Variants in REV3L observed in about 807,000 individuals in gnomAD.
The protein encoded by REV3L is REV3 like, DNA directed polymerase zeta catalytic subunit, also known as DNA polymerase zeta catalytic subunit.
REV3L carries 69 observed loss-of-function variants against 299.4 expected under a neutral mutation model. The observed-to-expected ratio is 0.23, with a 90% CI of 0.19 to 0.28. REV3L has a LOEUF of 0.28. REV3L is among the 10% of genes least tolerant of loss of function. The pLI is 1.00. For synonymous variants in REV3L, 1,238 were observed against 1,271.4 expected, an observed-to-expected ratio of 0.97 and a Z score of 0.56; for missense variants, 3,128 against 3,693.8, an observed-to-expected ratio of 0.85 and a Z score of 3.97.
chr6:111,324,363 G>A (rs760572644), intron 25 of REV3L, among the ~76,000 whole-genome samples: 8 of 152,160 alleles, frequency 5.3e-5, no homozygotes, highest in Non-Finnish European at 1.0e-4. Context: ...TCTTGAGAAT[G>A]TAAACTGTAA....
intron 1 of REV3L, among the ~76,000 whole-genome samples, chr6:111,447,867 C>A (rs946455228): frequency 1.3e-5 from 2 of 152,158 alleles, no homozygotes; most frequent in African/African-American, 4.8e-5. Context: ...AAAAACTTAA[C>A]CAAATGTCTC....
At chr6:111,471,988 A>G in intron 1 of REV3L, 1 of 1,134,890 alleles carries the variant, frequency 8.8e-7, no homozygotes, top group South Asian at 1.6e-5. Context: ...CACCCCCAAT[A>G]TATTAACCAA....
rs184034348 is a variant in REV3L, at chr6:111,439,885, C to T, written c.140-23413G>A. 1.1e-3 allele frequency among the ~76,000 whole-genome samples: 169 copies of T among 152,280 alleles called. 1 individual carries two copies. The highest frequency in any genetic ancestry group is 3.7e-3 in the African/African-American group (154 of 41,556). On this transcript the variant is annotated intron_variant, in intron 1 of 31. Transcript: ENST00000368802. The stretch of plus-strand genomic sequence containing the variant: ...AAGACAATGCCTGACCGCCAACCAG[C>T]GCTTCAAAAGTTGAAGAAATTGGGC...
chr6:111,327,162 T>C (rs893791263), intron 25 of REV3L, among the ~76,000 whole-genome samples: 6 of 152,208 alleles, frequency 3.9e-5, no homozygotes, highest in Non-Finnish European at 8.8e-5. Context: ...TTACAGTATT[T>C]ACATATTTTA....
intron 31 of REV3L, among the ~76,000 whole-genome samples, chr6:111,306,160 A>G (rs1451791741): frequency 6.6e-6 from 1 of 152,182 alleles, no homozygotes; most frequent in Admixed American, 6.5e-5. Context: ...ATCACAGTAA[A>G]GCAGAGGAGA....
At chr6:111,472,106 AG>A in intron 1 of REV3L, 1 of 1,275,572 alleles carries the variant, frequency 7.8e-7, no homozygotes, top group Non-Finnish European at 1.0e-6. Context: ...TTTAATTTTT[AG>A]GTTGCTTTTA....
intron 4 of REV3L, among the ~76,000 whole-genome samples, chr6:111,397,820 A>C (rs529636151): frequency 6.6e-6 from 1 of 151,840 alleles, no homozygotes; most frequent in African/African-American, 2.4e-5. Context: ...TCTTTTTTGT[A>C]AAGATGAGAT....
chr6:111,445,859 A>C (rs1562323421), intron 1 of REV3L, among the ~76,000 whole-genome samples: 1 of 152,236 alleles, frequency 6.6e-6, no homozygotes, highest in Non-Finnish European at 1.5e-5. Flanking sequence ...AACAGAGGGA[A>C]CAGTTTAAGC....
At chr6:111,464,724 G>A (rs749778707) in intron 1 of REV3L, among the ~76,000 whole-genome samples, 5 of 152,138 alleles carry the variant, frequency 3.3e-5, no homozygotes, top group African/African-American at 7.2e-5. Context: ...AAACAGGGCC[G>A]GGCATGGTTG....
At chr6:111,320,783 A>G (rs959408884) in intron 26 of REV3L, among the ~76,000 whole-genome samples, 3 of 152,072 alleles carry the variant, frequency 2.0e-5, no homozygotes, top group African/African-American at 7.2e-5. Flanking sequence ...CCAAGCAGCT[A>G]GGAGTACAGG....
chr6:111,317,631 A>T (rs1773681018), intron 26 of REV3L, among the ~76,000 whole-genome samples: 1 of 152,138 alleles, frequency 6.6e-6, no homozygotes, highest in South Asian at 2.1e-4. Flanking sequence ...GGTTCAATAC[A>T]TAAGACTTGC....
chr6:111,421,541 A>G (rs1785354135), intron 1 of REV3L, among the ~76,000 whole-genome samples: 1 of 152,198 alleles, frequency 6.6e-6, no homozygotes, highest in Non-Finnish European at 1.5e-5. Context: ...GATTTGGCCC[A>G]TGGATAGTAG....
At chr6:111,479,509 CTTT>C (rs397758175) in intron 1 of REV3L, among the ~76,000 whole-genome samples, 2 of 130,102 alleles carry the variant, frequency 1.5e-5, no homozygotes, top group African/African-American at 2.8e-5. Context: ...CCCCCCCCGC[CTTT>C]TTTTTTTTTT....
chr6:111,306,311 A>C (rs994393377), intron 31 of REV3L, among the ~76,000 whole-genome samples: 14 of 152,112 alleles, frequency 9.2e-5, no homozygotes, highest in Non-Finnish European at 1.2e-4. Flanking sequence ...GGCCAGGAGG[A>C]GGCGGCGAGG....
At chr6:111,454,098 T>C (rs1191472168) in intron 1 of REV3L, among the ~76,000 whole-genome samples, 2 of 150,888 alleles carry the variant, frequency 1.3e-5, no homozygotes, top group South Asian at 4.1e-4. Flanking sequence ...ACAATTTAAT[T>C]TCAAACTTTT....
intron 26 of REV3L, among the ~76,000 whole-genome samples, chr6:111,318,776 G>C (rs1028731613): frequency 1.3e-5 from 2 of 151,918 alleles, no homozygotes; most frequent in Non-Finnish European, 2.9e-5. Flanking sequence ...CTCCATGTTG[G>C]TCAGGCTGGT....
chr6:111,405,454 T>C lies in REV3L; in HGVS notation c.565+16A>G. On this transcript the variant is annotated intron_variant, in intron 4 of 31. Coordinates refer to ENST00000368802, the MANE Select transcript of REV3L (RefSeq NM_001372078.1). ...TAATTTGACAAAAATTTAATTTGAC[T>C]GAAAATTAACCTTACTTTTCCTTCT... 1 of 1,572,648 alleles carries C rather than the reference T, an allele frequency of 6.4e-7. No individual in the cohort carries two copies. Among genetic ancestry groups the C allele is most frequent in the East Asian group, 2.3e-5 (1 of 43,996 alleles).
At chr6:111,425,412 T>C (rs935137654) in intron 1 of REV3L, among the ~76,000 whole-genome samples, 13 of 152,006 alleles carry the variant, frequency 8.6e-5, no homozygotes, top group African/African-American at 3.1e-4. Flanking sequence ...TGAGCGGAGA[T>C]TGCGCCACTG....
intron 1 of REV3L, among the ~76,000 whole-genome samples, chr6:111,451,627 A>G (rs926987737): frequency 6.6e-6 from 1 of 152,164 alleles, no homozygotes; most frequent in Non-Finnish European, 1.5e-5. Flanking sequence ...TTTGGGCCCA[A>G]TACCGAAGGG....
Sources: allele counts gnomAD v4.1 joint callset (sites outside exome capture counted in the v4.1 genomes callset), GRCh38; gene constraint gnomAD v4.1.1; transcripts MANE v1.5; gene names NCBI Gene and HGNC (gene_info 2026-07-23, HGNC 2026-07-21).